CDCP1: variants seen among roughly 807,000 people sequenced by gnomAD.
The protein encoded by CDCP1 is CUB domain-containing protein 1.
In CDCP1, 29 loss-of-function variants were observed where a neutral mutation model predicts 60.2. The observed-to-expected ratio is 0.48, with a 90% confidence interval of 0.36 to 0.66. The LOEUF is 0.66. Among genes scored for constraint, CDCP1 ranks in the 30% least tolerant of loss-of-function variants. CDCP1 has a pLI of 0.00. For synonymous variants in CDCP1, 387 were observed against 431.1 expected (o/e 0.90, Z 1.27); for missense variants, 876 against 1,074.3 (o/e 0.82, Z 2.58).
chr3:45,134,333 C>G (rs1699157091), intron 1 of CDCP1, among the ~76,000 whole-genome samples: 1 of 152,164 alleles, frequency 6.6e-6, no homozygotes, highest in Admixed American at 6.5e-5. Context: ...ACCGTGTTAG[C>G]CAGGATGGTC....
chr3:45,136,218 A>T (rs1699187705), intron 1 of CDCP1, among the ~76,000 whole-genome samples: 1 of 152,240 alleles, frequency 6.6e-6, no homozygotes, highest in Non-Finnish European at 1.5e-5. Context: ...GGGGGTTTTA[A>T]GAAGCCTGGC....
At chr3:45,129,046 C>T (rs924486057) in intron 1 of CDCP1, among the ~76,000 whole-genome samples, 1 of 152,188 alleles carries the variant, frequency 6.6e-6, no homozygotes, top group Non-Finnish European at 1.5e-5. Context: ...GTAACTGAAC[C>T]ATTCCTCAAA....
chr3:45,138,842 A>T (rs557534128), intron 1 of CDCP1, among the ~76,000 whole-genome samples: 3 of 152,278 alleles, frequency 2.0e-5, no homozygotes, highest in African/African-American at 7.2e-5. Context: ...CGAAAACTCC[A>T]TCTCAAAGAA....
chr3:45,145,122 A>AT (rs1444645301), intron 1 of CDCP1, among the ~76,000 whole-genome samples: 1 of 152,152 alleles, frequency 6.6e-6, no homozygotes, highest in East Asian at 1.9e-4. Flanking sequence ...GCTTATATTG[A>AT]TATTTTAGAA....
intron 8 of CDCP1, 48 bp downstream of exon 8, chr3:45,089,006 T>C (rs781557846): frequency 1.4e-6 from 2 of 1,403,690 alleles, no homozygotes; most frequent in Non-Finnish European, 2.0e-6. Flanking sequence ...GTCTGTGTGA[T>C]CTGAGGAGGC....
rs1172313687 is a variant in CDCP1 at position 45,095,554 on chromosome 3, C to T, written c.1039G>A (p.Val347Ile). 6.2e-7 allele frequency: 1 copy of T among 1,613,952 alleles called. No homozygotes were observed. Among genetic ancestry groups the T allele is most frequent in the Non-Finnish European group, 8.5e-7 (1 of 1,179,972 alleles). ...ATGGCTCGCTCATTACTCAAGTCAA[C>T]CACGTAGATTTTATCTGAAACCACA... ...PQNESNKIYVVDLSNERAMSL... is the reference protein window; with the variant it reads ...PQNESNKIYVIDLSNERAMSL... Residue 347 changes from valine to isoleucine, a missense_variant, in exon 5 of 9, where the codon GTT (valine) becomes ATT (isoleucine). Transcript: ENST00000296129.
At chr3:45,126,106 CTCTCTTTCTT>C (rs1209243732) in intron 1 of CDCP1, among the ~76,000 whole-genome samples, 2,283 of 149,816 alleles carry the variant, frequency 0.015, 31 homozygotes, top group Middle Eastern at 0.021. Flanking sequence ...CTTTGTCTCT[CTCTCTTTCTT>C]TCTTTCTTTC....
In CDCP1 at chr3:45,109,643, G is replaced by T. The variant is rs567638550; in HGVS notation, c.1024+830C>A. Among the ~76,000 whole-genome samples the T allele has an allele frequency of 3.9e-4, 60 of 152,114 alleles. 1 individual carries two copies. In the South Asian group the frequency reaches 0.012, roughly 31 times the overall value. ...TCTGCACGACACCCCTCAGGGCCAA[G>T]ACTGGGGTGAGGCAAGCCAGGCACC... On this transcript the variant is annotated intron_variant, in intron 4 of 8. Transcript: ENST00000296129.
At chr3:45,141,263 G>A (rs994703472) in intron 1 of CDCP1, among the ~76,000 whole-genome samples, 5 of 152,070 alleles carry the variant, frequency 3.3e-5, no homozygotes, top group South Asian at 2.1e-4. Flanking sequence ...GTCAACAAAG[G>A]GAGGTGCCCT....
At chr3:45,118,729 G>C (rs1698835055) in intron 1 of CDCP1, 108 bp from the exon 2 acceptor site, 2 of 794,792 alleles carry the variant, frequency 2.5e-6, no homozygotes, top group South Asian at 3.3e-5. Context: ...TGACAACTTT[G>C]TTCCTTCCCT....
rs1698706368 is a variant in CDCP1 at position 45,112,200 on chromosome 3, T to A, written c.538A>T (p.Asn180Tyr). Residue 180 changes from asparagine to tyrosine, a missense_variant, in exon 3 of 9, where the codon AAT (asparagine) becomes TAT (tyrosine). By Grantham distance (143) the Asn-to-Tyr change is moderately radical. This residue lies in a region of CDCP1 where 726 missense variants were observed against 935.7 expected (regional missense o/e 0.78). Coordinates refer to ENST00000296129, the MANE Select transcript of CDCP1 (RefSeq NM_022842.5). ...ATCTTGATCCGGGACACAGTGCCAT[T>A]GCTGCAGAAGGTTCCGATCCTGACC... ...TVVRIGTFCS[N>Y]GTVSRIKMQE... 1 of 1,614,212 alleles carries A rather than the reference T, an allele frequency of 6.2e-7. No individual in the cohort carries two copies. Among genetic ancestry groups the A allele is most frequent in the African/African-American group, 1.3e-5 (1 of 75,056 alleles).
At chr3:45,101,323 G>A (rs549713547) in intron 4 of CDCP1, among the ~76,000 whole-genome samples, 5 of 152,310 alleles carry the variant, frequency 3.3e-5, no homozygotes, top group African/African-American at 1.2e-4. Flanking sequence ...ACAAACTAAG[G>A]CTAGGAAGTG....
chr3:45,099,401 T>A (rs1055671253), intron 4 of CDCP1, among the ~76,000 whole-genome samples: 2 of 144,988 alleles, frequency 1.4e-5, no homozygotes, highest in African/African-American at 5.8e-5. Flanking sequence ...CGTATAAAAC[T>A]TTTTTACCTC....
chr3:45,095,002 C>T lies in CDCP1; in HGVS notation c.1246+345G>A, dbSNP rs148550867. ...CAGGCTAGAGTGCGTGGTGCAATCT[C>T]GGCTCACTGCAACCTCCGCCTCCCA... On this transcript the variant is annotated intron_variant, in intron 5 of 8. Transcript: ENST00000296129. Among the ~76,000 whole-genome samples, 13 of 150,930 alleles carry T rather than the reference C, an allele frequency of 8.6e-5. No individual in the cohort carries two copies. In the East Asian group the frequency reaches 1.6e-3, roughly 18 times the overall value.
intron 3 of CDCP1, 113 bp downstream of exon 3, chr3:45,111,970 T>A: frequency 5.2e-6 from 7 of 1,342,576 alleles, no homozygotes; most frequent in Non-Finnish European, 7.0e-6. Flanking sequence ...TCTTCCTTTA[T>A]GGTTTTTATA....
At chr3:45,138,040 C>T (rs76896245) in intron 1 of CDCP1, among the ~76,000 whole-genome samples, 7 of 152,134 alleles carry the variant, frequency 4.6e-5, no homozygotes, top group African/African-American at 1.7e-4. Flanking sequence ...TAATAACACC[C>T]GGTCATGAAG....
At chr3:45,106,727 C>T (rs1004691161) in intron 4 of CDCP1, among the ~76,000 whole-genome samples, 3 of 152,148 alleles carry the variant, frequency 2.0e-5, no homozygotes, top group African/African-American at 7.2e-5. Context: ...GGTAGTTGTT[C>T]CCCTGCTTCT....
chr3:45,101,129 C>T (rs1002501381), intron 4 of CDCP1, among the ~76,000 whole-genome samples: 1 of 152,202 alleles, frequency 6.6e-6, no homozygotes, highest in African/African-American at 2.4e-5. Context: ...ATGATGAGTG[C>T]TGAGGCTTCT....
At chr3:45,101,375 C>T (rs750180257) in intron 4 of CDCP1, among the ~76,000 whole-genome samples, 1 of 152,170 alleles carries the variant, frequency 6.6e-6, no homozygotes, top group Admixed American at 6.5e-5. Flanking sequence ...GATTACAAAG[C>T]CTGTGCTATT....
Sources: allele counts gnomAD v4.1 joint callset (sites outside exome capture counted in the v4.1 genomes callset), GRCh38; gene constraint gnomAD v4.1.1; regional missense constraint gnomAD v4.1.1; transcripts MANE v1.5; gene names NCBI Gene and HGNC (gene_info 2026-07-23, HGNC 2026-07-21).